The following C14orf93 variants were observed in gnomAD, a reference collection of about 807,000 sequenced individuals.
The protein encoded by C14orf93 is uncharacterized protein C14orf93.
A neutral mutation model predicts 44.0 loss-of-function variants in C14orf93; 23 were observed. The observed-to-expected ratio is 0.52, with a 90% confidence interval of 0.38 to 0.74. The LOEUF is 0.74. Ranked by LOEUF, C14orf93 falls within the 30% of genes least tolerant of loss-of-function variation. The pLI, the probability that C14orf93 is intolerant of heterozygous loss-of-function variation, is 0.00. For synonymous variants in C14orf93, 253 were observed against 265.7 expected, an observed-to-expected ratio of 0.95 and a Z score of 0.46; for missense variants, 579 against 678.9, an observed-to-expected ratio of 0.85 and a Z score of 1.64.
chr14:23,003,660 G>A (rs557090605), intron 1 of C14orf93, among the ~76,000 whole-genome samples: 14 of 151,104 alleles, frequency 9.3e-5, no homozygotes, highest in Non-Finnish European at 1.6e-4. Flanking sequence ...AAGTAGCCGC[G>A]CATGCTGGCG....
rs114425558 is a variant in C14orf93, at chr14:22,990,259, T to A, written c.919-132A>T. On this transcript the variant is annotated intron_variant, in intron 3 of 6. Coordinates refer to ENST00000299088, the MANE Select transcript of C14orf93 (RefSeq NM_021944.4). ...GAATCCTTTCTAAGCCAAGAGCCTA[T>A]CCAAGTTACTATTTCTAGTGTGGTC... 3.0e-3 allele frequency: 2,094 copies of A among 687,348 alleles called. 35 individuals are homozygous for A. In the African/African-American group the frequency reaches 0.033, roughly 11 times the overall value. The allele number at this position is 687,348 out of a possible 1,614,324, so 42.6% of individuals were successfully genotyped here. A position where few individuals can be genotyped will look rare whatever the true frequency, so the allele number is the denominator to read the frequency against.
At position 22,999,044 on chromosome 14, in the gene C14orf93, C is replaced by A; in HGVS notation, c.-21G>T. On this transcript the variant is annotated 5_prime_UTR_variant, in exon 2 of 7. Coordinates refer to ENST00000299088, the MANE Select transcript of C14orf93 (RefSeq NM_021944.4). Reference sequence around the variant, plus strand: ...GACATGGCGGATGGGGCAGTAACAACCACGCTTACACTGCTGGGCCGCTCC... The same window carrying A: ...GACATGGCGGATGGGGCAGTAACAAACACGCTTACACTGCTGGGCCGCTCC... 1 of 1,591,296 alleles carries A rather than the reference C, an allele frequency of 6.3e-7. No homozygotes were observed. The highest frequency in any genetic ancestry group is 8.5e-7 in the Non-Finnish European group (1 of 1,171,980).
intron 3 of C14orf93, among the ~76,000 whole-genome samples, chr14:22,991,806 G>A (rs1312491631): frequency 1.3e-5 from 2 of 151,980 alleles, no homozygotes; most frequent in East Asian, 1.9e-4. Flanking sequence ...TCTTGACCTC[G>A]TGAACCACCT....
chr14:22,996,017 G>C lies in C14orf93; in HGVS notation c.849C>G (p.Thr283=). The change falls in exon 3 of 7, where the codon ACC becomes ACG. Residue 283 remains threonine, a synonymous_variant. Transcript: ENST00000299088. The surrounding 1 kb of genome is among the most constrained non-coding windows in gnomAD (Gnocchi z 4.1). ...TTCCTCTGGTCCTGCATGGGGAAAC[G>C]GTCAGCCCTAGAGAGTGTCTCAGCT... is the stretch of plus-strand genomic sequence containing the variant. ...TGELRHSLGL[T]VSPCRTRGSG... 1.9e-6 allele frequency: 3 copies of C among 1,613,588 alleles called. No homozygotes were observed. The highest frequency in any genetic ancestry group is 2.5e-6 in the Non-Finnish European group (3 of 1,179,654).
intron 5 of C14orf93, among the ~76,000 whole-genome samples, chr14:22,988,886 G>C (rs980658982): frequency 6.6e-6 from 1 of 152,082 alleles, no homozygotes; most frequent in Non-Finnish European, 1.5e-5. Flanking sequence ...CCAGGAGTTT[G>C]AGACCAGCCT....
chr14:22,997,752 A>T (rs2046075989), intron 2 of C14orf93, among the ~76,000 whole-genome samples: 2 of 151,772 alleles, frequency 1.3e-5, no homozygotes, highest in Non-Finnish European at 1.5e-5. Context: ...ACTGTTAACA[A>T]TCAGTTGGCC....
intron 3 of C14orf93, among the ~76,000 whole-genome samples, chr14:22,992,498 C>T (rs2045709742): frequency 6.6e-6 from 1 of 150,970 alleles, no homozygotes; most frequent in Admixed American, 6.6e-5. Flanking sequence ...AAAAGTTTTG[C>T]CTTAGATGCT....
rs1463303718 is a variant in C14orf93, at chr14:22,995,830, T to C, written c.918+118A>G. 4 of 940,200 alleles carry C rather than the reference T, an allele frequency of 4.3e-6. No homozygotes were observed. In the African/African-American group the frequency reaches 6.7e-5, roughly 16 times the overall value. 58.2% of individuals were successfully genotyped at this position (940,200 alleles called of 1,614,324 possible). On this transcript the variant is annotated intron_variant, in intron 3 of 6. Transcript: ENST00000299088. ...TAACCTCTCTCCTTATCCCTCCCAC[T>C]CTGGTAGGATTCAGTACAGCATTCA...
At chr14:23,003,584 G>A (rs566517396) in intron 1 of C14orf93, among the ~76,000 whole-genome samples, 4 of 151,974 alleles carry the variant, frequency 2.6e-5, no homozygotes, top group East Asian at 3.9e-4. Flanking sequence ...AGGTCAGTTC[G>A]AGACCAGCCT....
intron 3 of C14orf93, among the ~76,000 whole-genome samples, chr14:22,993,175 C>T (rs1280139272): frequency 6.6e-6 from 1 of 152,194 alleles, no homozygotes; most frequent in Non-Finnish European, 1.5e-5. Context: ...CCACCGCACC[C>T]GGCCCTAATG....
Position 22,999,065 on chromosome 14 carries a change from G to A in C14orf93, c.-42C>T, listed in dbSNP as rs761220962. On this transcript the variant is annotated 5_prime_UTR_variant, in exon 2 of 7. Transcript: ENST00000299088. Reference sequence around the variant, plus strand: ...ACAACCACGCTTACACTGCTGGGCCGCTCCAACAGGTAGGAAGCATCAACT... The same window carrying A: ...ACAACCACGCTTACACTGCTGGGCCACTCCAACAGGTAGGAAGCATCAACT... The A allele has an allele frequency of 9.0e-6, 14 of 1,551,406 alleles. No individual in the cohort carries two copies. The highest frequency in any genetic ancestry group is 6.8e-5 in the East Asian group (3 of 44,344).
At position 22,996,408 on chromosome 14, in the gene C14orf93, G is replaced by T; in HGVS notation, c.598-140C>A. The T allele has an allele frequency of 2.4e-6, 2 of 834,480 alleles. No individual in the cohort carries two copies. The highest frequency in any genetic ancestry group is 2.1e-5 in the South Asian group (1 of 48,742). The allele number at this position is 834,480 out of a possible 1,614,324, so 51.7% of individuals were successfully genotyped here. On this transcript the variant is annotated intron_variant, in intron 2 of 6. Coordinates refer to ENST00000299088, the MANE Select transcript of C14orf93 (RefSeq NM_021944.4). This position sits in a 1 kb window ranked among gnomAD's most constrained non-coding sequence, Gnocchi z 4.1. ...CACAGTCTTTAATGGTCAATGGCTT[G>T]TTTCTCTGGGACTCCTATGAGTGTT... is the stretch of plus-strand genomic sequence containing the variant.
At chr14:23,000,860 A>C (rs541702841) in intron 1 of C14orf93, 2 of 152,178 alleles carry the variant, frequency 1.3e-5, no homozygotes, top group African/African-American at 4.8e-5. Context: ...AAATCTGACA[A>C]TGCATTTTAA....
chr14:23,006,987 G>T (rs2046649387), intron 1 of C14orf93: 1 of 152,348 alleles, frequency 6.6e-6, no homozygotes, highest in South Asian at 2.1e-4. Flanking sequence ...TTGGGCTGAA[G>T]GCGGCGCTCG....
intron 1 of C14orf93, among the ~76,000 whole-genome samples, chr14:23,007,877 G>A (rs1410303513): frequency 1.3e-5 from 2 of 152,180 alleles, no homozygotes. Context: ...AACTGGCCGG[G>A]CGCGGTGGCT....
chr14:22,996,220 C>A lies in C14orf93; in HGVS notation c.646G>T (p.Val216Phe). ...GAGAGTTGCTTGGCATAAGCAGGGA[C>A]CAGAACTCGCTGTACTGCACCCTCA... ...ASEGAVQRVLVPAYAKQLSPA... is the reference protein window; with the variant it reads ...ASEGAVQRVLFPAYAKQLSPA... Residue 216 changes from valine (V) to phenylalanine (F), a missense_variant, in exon 3 of 7, where the codon GTC becomes TTC. Transcript: ENST00000299088. The surrounding 1 kb of genome is among the most constrained non-coding windows in gnomAD (Gnocchi z 4.1). 1 of 1,604,860 alleles carries A rather than the reference C, an allele frequency of 6.2e-7. No homozygotes were observed.
intron 1 of C14orf93, among the ~76,000 whole-genome samples, chr14:23,008,961 A>C (rs536338386): frequency 6.6e-6 from 1 of 152,334 alleles, no homozygotes; most frequent in East Asian, 1.9e-4. Context: ...TATTCCAACC[A>C]ATAAACGACC....
Position 22,990,056 on chromosome 14 carries a change from G to A in C14orf93, c.980+10C>T. The stretch of plus-strand genomic sequence containing the variant: ...TACCTTCTAATTCTTTTTCCTCAAG[G>A]AGACCATACCTTTCAGACCCATTGA... On this transcript the variant is annotated intron_variant, in intron 4 of 6. Coordinates refer to ENST00000299088, the MANE Select transcript of C14orf93 (RefSeq NM_021944.4). 6.2e-7 allele frequency: 1 copy of A among 1,608,094 alleles called. No individual in the cohort carries two copies. Among genetic ancestry groups the A allele is most frequent in the Non-Finnish European group, 8.5e-7 (1 of 1,175,276 alleles).
At chr14:23,007,115 G>C (rs979626239) in intron 1 of C14orf93, 8 of 152,224 alleles carry the variant, frequency 5.3e-5, no homozygotes, top group African/African-American at 1.7e-4. Context: ...GCGCGCGGGA[G>C]ACAGAACTAT....
Sources: gnomAD v4.1 joint callset for allele counts (sites outside exome capture counted in the v4.1 genomes callset) on GRCh38, gnomAD v4.1.1 for gene constraint, Gnocchi (gnomAD v3.1) non-coding constraint, MANE v1.5 for transcripts, NCBI Gene and HGNC (gene_info 2026-07-23, HGNC 2026-07-21) for gene names.